ZNF846: variants seen among roughly 807,000 people sequenced by gnomAD.
The protein encoded by ZNF846 is zinc finger protein 846.
In ZNF846, 15 loss-of-function variants were observed where a neutral mutation model predicts 16.0. That is an observed-to-expected ratio of 0.94 (90% CI 0.63 to 1.45). The LOEUF is 1.45. ZNF846 is among the 40% of genes most tolerant of loss of function. ZNF846 has a pLI of 0.00. For missense variants in ZNF846, 714 were observed against 622.3 expected, an observed-to-expected ratio of 1.15 and a Z score of -1.57; for synonymous variants, 229 against 212.0, an observed-to-expected ratio of 1.08 and a Z score of -0.70.
At chr19:9,783,218 CTTTTTTTTTTTTT>C (rs74183307) in intron 1 of ZNF846, among the ~76,000 whole-genome samples, 1 of 65,366 alleles carries the variant, frequency 1.5e-5, no homozygotes, top group Non-Finnish European at 2.9e-5. Context: ...CCCTATAATT[CTTTTTTTTTTTTT>C]TTTTTTTTTT....
Position 9,765,035 on chromosome 19 carries a change from C to A in ZNF846, c.-85G>T, listed in dbSNP as rs1363082138. On this transcript the variant is annotated splice_region_variant and 5_prime_UTR_variant, in exon 2 of 6. Coordinates refer to ENST00000397902, the Ensembl canonical transcript of ZNF846. ...ACAGAAAGTGTCCTGGAAAAAATGA[C>A]CTTTGGAAAAGAATAATGGCATGTC... is the stretch of plus-strand genomic sequence containing the variant. 2.0e-6 allele frequency: 3 copies of A among 1,498,574 alleles called. No individual in the cohort carries two copies. In the African/African-American group the frequency reaches 4.1e-5, roughly 21 times the overall value. The allele number at this position is 1,498,574 out of a possible 1,614,324, so 92.8% of individuals were successfully genotyped here.
intron 3 of ZNF846, 43 bp downstream of exon 3, chr19:9,763,239 T>G: frequency 3.3e-6 from 5 of 1,500,096 alleles, no homozygotes; most frequent in Non-Finnish European, 4.5e-6. Flanking sequence ...TAAGAAACAT[T>G]GATTTCCTAA....
At chr19:9,758,627 G>T (rs926064298) in exon 6 of ZNF846, 69 of 1,613,154 alleles carry the variant, frequency 4.3e-5, no homozygotes, top group Non-Finnish European at 5.8e-5. Context: ...TCTTTCTTAA[G>T]GCTTTTCCAC....
Position 9,757,929 on chromosome 19 carries a change from A to T in ZNF846, c.1148T>A (p.Leu383Ter). The T allele has an allele frequency of 6.2e-7, 1 of 1,613,622 alleles. No individual in the cohort carries two copies. Among genetic ancestry groups the T allele is most frequent in the Non-Finnish European group, 8.5e-7 (1 of 1,180,030 alleles). ...TTCTCCAGTATGTGTTCTCATGTGT[A>T]AAACAAGTCCTGAGGAACGAGTAAA... Residue 383 changes from leucine (L) to a stop codon, truncating the protein, a stop_gained, in exon 6 of 6, where the codon TTA (leucine) becomes TAA (stop). Transcript: ENST00000397902. LOFTEE classifies it low-confidence loss of function (END_TRUNC).
chr19:9,764,970 C>T (rs1477878660), exon 2 of ZNF846: 2 of 1,613,966 alleles, frequency 1.2e-6, no homozygotes, highest in African/African-American at 1.3e-5. Flanking sequence ...ATCAGTAACC[C>T]AGCCACTAGC....
chr19:9,772,238 C>T (rs879936490), upstream of ZNF846, among the ~76,000 whole-genome samples: 1 of 152,158 alleles, frequency 6.6e-6, no homozygotes, highest in Admixed American at 6.6e-5. Flanking sequence ...TGCTCCATAA[C>T]TTAAGAACAA....
At chr19:9,754,564 T>TAAAA (rs545236944), downstream of ZNF846, among the ~76,000 whole-genome samples, 2,115 of 88,546 alleles carry the variant, frequency 0.024, 52 homozygotes, top group African/African-American at 0.037. Context: ...GACTCTGTCT[T>TAAAA]AAAAAAAAAA....
At chr19:9,755,768 C>T (rs1447222579), downstream of ZNF846, 3 of 114,210 alleles carry the variant, frequency 2.6e-5, no homozygotes, top group Non-Finnish European at 5.1e-5. Context: ...CCACTGCACT[C>T]CAGCCTGGGC....
chr19:9,754,584 A>AG (rs2045116113), downstream of ZNF846, among the ~76,000 whole-genome samples: 1 of 150,132 alleles, frequency 6.7e-6, no homozygotes, highest in Non-Finnish European at 1.5e-5. Context: ...AAAAAAAAAA[A>AG]AAAGCAAAGG....
At chr19:9,757,732 C>T (rs370808629) in exon 6 of ZNF846, 11 of 1,613,280 alleles carry the variant, frequency 6.8e-6, no homozygotes, top group Middle Eastern at 1.7e-4. Context: ...CATTCACAGG[C>T]CTTTTCTCCA....
At chr19:9,784,514 A>G (rs1027732281) in intron 1 of ZNF846, among the ~76,000 whole-genome samples, 1 of 152,194 alleles carries the variant, frequency 6.6e-6, no homozygotes, top group African/African-American at 2.4e-5. Flanking sequence ...TTTTACACCA[A>G]GACATTCCAT....
At chr19:9,760,498 C>A (rs577378284) in intron 4 of ZNF846, among the ~76,000 whole-genome samples, 1 of 150,720 alleles carries the variant, frequency 6.6e-6, no homozygotes, top group Non-Finnish European at 1.5e-5. Context: ...TTCAGGAGTT[C>A]GAGACCAGCC....
At chr19:9,769,980 CAAAAAAA>C (rs765094580), upstream of ZNF846, among the ~76,000 whole-genome samples, 1 of 78,146 alleles carries the variant, frequency 1.3e-5, no homozygotes, top group African/African-American at 5.4e-5. Context: ...GACTCCGTCT[CAAAAAAA>C]AAAAAAAAAA....
intron 4 of ZNF846, among the ~76,000 whole-genome samples, chr19:9,761,477 C>G (rs886115914): frequency 3.9e-5 from 6 of 151,964 alleles, no homozygotes; most frequent in Non-Finnish European, 8.8e-5. Flanking sequence ...CTTTGGGAGG[C>G]TGAGGCAGGT....
chr19:9,761,926 G>A (rs560973358), intron 4 of ZNF846, among the ~76,000 whole-genome samples, 156 bp downstream of exon 4: 2 of 152,154 alleles, frequency 1.3e-5, no homozygotes, highest in Admixed American at 6.5e-5. Flanking sequence ...TTAAAGATGA[G>A]GGGAGTTGAA....
chr19:9,756,343 G>GTATATATATATA (rs1190301971), downstream of ZNF846: 64 of 71,174 alleles, frequency 9.0e-4, no homozygotes, highest in Non-Finnish European at 1.1e-3. Flanking sequence ...GTGTGTGTGT[G>GTATATATATATA]TGTATATATA....
downstream of ZNF846, chr19:9,756,621 A>T (rs1389338434): frequency 6.6e-6 from 1 of 151,298 alleles, no homozygotes; most frequent in Non-Finnish European, 1.5e-5. Flanking sequence ...GATTTCTTAC[A>T]TATATAGGCT....
chr19:9,763,325 G>A (rs754108580), exon 3 of ZNF846: 1 of 1,611,186 alleles, frequency 6.2e-7, no homozygotes, highest in Non-Finnish European at 8.5e-7. Context: ...TCACATCTCT[G>A]TAGAGATCTC....
At position 9,762,065 on chromosome 19, in the gene ZNF846, T is replaced by A. The variant is rs760317168; in HGVS notation, c.229+17A>T. 6.2e-7 allele frequency: 1 copy of A among 1,610,526 alleles called. No individual in the cohort carries two copies. Among genetic ancestry groups the A allele is most frequent in the South Asian group, 1.1e-5 (1 of 90,966 alleles). On this transcript the variant is annotated intron_variant, in intron 4 of 5. Coordinates refer to ENST00000397902, the Ensembl canonical transcript of ZNF846. ...GGCACAGCAGTGCCATAATACCACA[T>A]CTGCTTATGAACTCACCCTGCAGAA...
Sources: gnomAD v4.1 joint callset for allele counts (sites outside exome capture counted in the v4.1 genomes callset) on GRCh38, gnomAD v4.1.1 for gene constraint, MANE v1.5 for transcripts, NCBI Gene and HGNC (gene_info 2026-07-23, HGNC 2026-07-21) for gene names.